The following ERAP1 variants were observed in gnomAD, a reference collection of about 807,000 sequenced individuals.
The protein encoded by ERAP1 is adipocyte-derived leucine aminopeptidase.
ERAP1 carries 86 observed loss-of-function variants against 103.7 expected under a neutral mutation model. The ratio of observed to expected loss-of-function variants is 0.83; its 90% CI spans 0.70 to 0.99. The LOEUF is 0.99. Ranked by LOEUF, ERAP1 falls within the 50% of genes least tolerant of loss-of-function variation. The probability of loss-of-function intolerance (pLI) is 0.00; values close to 1 mark genes in which losing one functional copy is unlikely to be tolerated. For synonymous variants in ERAP1, 398 were observed against 402.4 expected (o/e 0.99, Z 0.13); for missense variants, 1,009 against 1,128.4 (o/e 0.89, Z 1.52).
the ERAP1 span, among the ~76,000 whole-genome samples, chr5:96,906,181 G>C: frequency 9.5e-6 from 1 of 105,202 alleles, no homozygotes; most frequent in Admixed American, 1.0e-4. Flanking sequence ...ACACGACACT[G>C]TCTCTTTTTT....
chr5:96,895,725 T>C, the ERAP1 span, among the ~76,000 whole-genome samples: 1 of 152,250 alleles, frequency 6.6e-6, no homozygotes, highest in Non-Finnish European at 1.5e-5. Flanking sequence ...TCAACATCAT[T>C]GGGGGTGTAC....
intron 19 of ERAP1, among the ~76,000 whole-genome samples, chr5:96,766,827 C>G (rs535333784): frequency 6.6e-6 from 1 of 152,022 alleles, no homozygotes; most frequent in Admixed American, 6.6e-5. Context: ...AAATTACACC[C>G]TTCTCTTTCT....
rs1336411581 is a variant in ERAP1, at chr5:96,797,181, T to C, written c.792A>G (p.Gly264=). ...FESVSKITKS[G]VKVSVYAVPD... ...GTGACAGTCATAGGCTCACCTTGACTCCACTCTTGGTTATCTTGCTGACAG... is the reference window on the plus strand; with the variant it reads ...GTGACAGTCATAGGCTCACCTTGACCCCACTCTTGGTTATCTTGCTGACAG... The change falls in exon 4 of 19, where the codon GGA becomes GGG. Residue 264 remains glycine (G), a synonymous_variant. Coordinates refer to ENST00000443439, the MANE Select transcript of ERAP1 (RefSeq NM_001040458.3). 3.1e-6 allele frequency: 5 copies of C among 1,614,004 alleles called. No homozygotes were observed. The African/African-American group carries it at 6.7e-5, about 22-fold the overall frequency.
At chr5:96,891,533 T>C in the ERAP1 span, among the ~76,000 whole-genome samples, 16 of 85,904 alleles carry the variant, frequency 1.9e-4, no homozygotes, top group East Asian at 4.1e-3. Context: ...ATACGGTATA[T>C]ATACACACAC....
chr5:96,807,189 A>G (rs1161314685), intron 1 of ERAP1, among the ~76,000 whole-genome samples: 1 of 152,180 alleles, frequency 6.6e-6, no homozygotes, highest in Non-Finnish European at 1.5e-5. Flanking sequence ...GAAACTTTTA[A>G]TTTGCGTCAA....
chr5:96,900,248 G>A, the ERAP1 span: 1 of 1,606,514 alleles, frequency 6.2e-7, no homozygotes, highest in South Asian at 1.1e-5. Flanking sequence ...GACCTAGAGT[G>A]AGTATGACAT....
the ERAP1 span, chr5:96,896,543 G>T: frequency 1.9e-6 from 3 of 1,559,040 alleles, no homozygotes; most frequent in Non-Finnish European, 2.6e-6. Context: ...TCTGCTTTCA[G>T]AAGTGTAATA....
the ERAP1 span, among the ~76,000 whole-genome samples, chr5:96,830,895 C>A: frequency 6.6e-6 from 1 of 152,156 alleles, no homozygotes; most frequent in East Asian, 1.9e-4. Flanking sequence ...GTTCCAGGAT[C>A]CCTGCAAATA....
the ERAP1 span, among the ~76,000 whole-genome samples, chr5:96,849,805 A>G: frequency 6.6e-6 from 1 of 152,182 alleles, no homozygotes; most frequent in East Asian, 1.9e-4. Context: ...AGCCCAAACA[A>G]TCTTGAGCAG....
At chr5:96,852,980 T>C in the ERAP1 span, among the ~76,000 whole-genome samples, 1 of 152,186 alleles carries the variant, frequency 6.6e-6, no homozygotes. Flanking sequence ...AAGTAGACTG[T>C]AGACGACTTT....
At chr5:96,878,427 A>C in the ERAP1 span, among the ~76,000 whole-genome samples, 2 of 152,124 alleles carry the variant, frequency 1.3e-5, no homozygotes, top group East Asian at 3.9e-4. Context: ...CTGGTATCCA[A>C]AGAATATAGA....
the ERAP1 span, among the ~76,000 whole-genome samples, chr5:96,891,524 T>C: frequency 6.3e-5 from 2 of 31,836 alleles, no homozygotes; most frequent in African/African-American, 1.3e-4. Flanking sequence ...TATGCCCATA[T>C]ACGGTATATA....
the ERAP1 span, among the ~76,000 whole-genome samples, chr5:96,837,842 A>G: frequency 6.6e-6 from 1 of 152,142 alleles, no homozygotes; most frequent in African/African-American, 2.4e-5. Context: ...TCTCAGCGTG[A>G]AGGGGAGCTG....
chr5:96,848,078 T>C, the ERAP1 span, among the ~76,000 whole-genome samples: 3 of 152,208 alleles, frequency 2.0e-5, no homozygotes, highest in African/African-American at 7.2e-5. Flanking sequence ...AGACAGAGTC[T>C]TACTCTTTTG....
chr5:96,908,590 A>G, the ERAP1 span, among the ~76,000 whole-genome samples: 1 of 152,248 alleles, frequency 6.6e-6, no homozygotes, highest in East Asian at 1.9e-4. Flanking sequence ...TCATGTGTAA[A>G]AAGTTTGATA....
chr5:96,772,624 A>T (rs917240593), downstream of ERAP1: 3 of 152,702 alleles, frequency 2.0e-5, no homozygotes, highest in African/African-American at 7.2e-5. Context: ...TGCATTTTTT[A>T]TTTGAAATTT....
the ERAP1 span, among the ~76,000 whole-genome samples, chr5:96,866,238 T>A: frequency 1.2e-4 from 18 of 152,208 alleles, no homozygotes; most frequent in Non-Finnish European, 1.9e-4. Context: ...CTGGTTCTCT[T>A]CCCCTTCCTA....
chr5:96,900,998 C>T, the ERAP1 span, among the ~76,000 whole-genome samples: 1 of 152,156 alleles, frequency 6.6e-6, no homozygotes, highest in African/African-American at 2.4e-5. Context: ...GGTTCAGCAT[C>T]ATCCAGTGAT....
chr5:96,887,073 GTATATATA>G, the ERAP1 span, among the ~76,000 whole-genome samples: 216 of 87,186 alleles, frequency 2.5e-3, 1 homozygote, highest in Non-Finnish European at 3.7e-3. Context: ...AATTTTCAAA[GTATATATA>G]TATATATATA....
Sources: gnomAD v4.1 joint callset for allele counts (sites outside exome capture counted in the v4.1 genomes callset) on GRCh38, gnomAD v4.1.1 for gene constraint, MANE v1.5 for transcripts, NCBI Gene and HGNC (gene_info 2026-07-23, HGNC 2026-07-21) for gene names.